Variants in C6orf89 observed in about 807,000 individuals in gnomAD.
The protein encoded by C6orf89 is chromosome 6 open reading frame 89, also known as bombesin receptor-activated protein C6orf89.
In C6orf89, 29 loss-of-function variants were observed where a neutral mutation model predicts 40.7. The observed-to-expected ratio is 0.71, with a 90% CI of 0.53 to 0.97. The LOEUF (loss-of-function observed/expected upper bound fraction) is 0.97, where lower values mean the gene tolerates loss of function less well. C6orf89 is among the 50% of genes least tolerant of loss of function. C6orf89 has a pLI of 0.00. For synonymous variants in C6orf89, 165 were observed against 152.2 expected (o/e 1.08, Z -0.62); for missense variants, 392 against 429.1 (o/e 0.91, Z 0.76).
rs1385475290 is a variant in C6orf89 at position 36,919,707 on chromosome 6, T to A, written c.949+6T>A. ...AATAGAGCCAGGGGATATCGGTATG[T>A]AGGGCCCCAGGAGGGCAGGGTCAAT... On this transcript the variant is annotated splice_donor_region_variant and intron_variant, in intron 8 of 8. Transcript: ENST00000480824. The A allele has an allele frequency of 1.2e-6, 2 of 1,606,596 alleles. No homozygotes were observed. Among genetic ancestry groups the A allele is most frequent in the South Asian group, 2.2e-5 (2 of 90,360 alleles).
chr6:36,902,196 A>G, intron 3 of C6orf89, 25 bp from the exon 4 acceptor site: 2 of 1,599,130 alleles, frequency 1.3e-6, no homozygotes, highest in Non-Finnish European at 1.7e-6. Flanking sequence ...GCTGGGATTA[A>G]TGCCTTTTCT....
At chr6:36,885,343 T>C (rs1017861154), upstream of C6orf89, among the ~76,000 whole-genome samples, 3 of 152,236 alleles carry the variant, frequency 2.0e-5, no homozygotes, top group Non-Finnish European at 2.9e-5. Flanking sequence ...TGCCTCACTT[T>C]GCCTTTTTTA....
At chr6:36,882,158 A>C (rs532668391), upstream of C6orf89, among the ~76,000 whole-genome samples, 2 of 152,184 alleles carry the variant, frequency 1.3e-5, no homozygotes, top group Non-Finnish European at 2.9e-5. Context: ...CTATCAAAAT[A>C]CTGTTTTTTC....
At chr6:36,873,828 A>C (rs1774573842) in intron 1 of C6orf89, among the ~76,000 whole-genome samples, 1 of 152,196 alleles carries the variant, frequency 6.6e-6, no homozygotes, top group Non-Finnish European at 1.5e-5. Flanking sequence ...TGAGGGGAGA[A>C]TGGCAGGTAG....
rs1762579531 is a variant in C6orf89 at position 36,923,390 on chromosome 6, AG to A, written c.997del (p.Val333SerfsTer18). 1 of 1,614,046 alleles carries A rather than the reference AG, an allele frequency of 6.2e-7. No homozygotes were observed. Among genetic ancestry groups the A allele is most frequent in the African/African-American group, 1.3e-5 (1 of 74,954 alleles). On this transcript the variant is annotated frameshift_variant, in exon 9 of 9. Coordinates refer to ENST00000480824, the MANE Select transcript of C6orf89 (RefSeq NM_001286635.2). LOFTEE classifies it high-confidence loss of function. ...ACTGGAAGGTCTACGTTATAGCCAG[AG>A]GGGTCCAGCCTTTGGTCATCTGCGA... ...THWKVYVIAR[G>X]VQPLVICDGT...
chr6:36,875,561 G>A (rs770015231), intron 1 of C6orf89, among the ~76,000 whole-genome samples: 1 of 152,278 alleles, frequency 6.6e-6, no homozygotes, highest in Non-Finnish European at 1.5e-5. Flanking sequence ...AGGGCGCGAG[G>A]AACAGAAGCA....
chr6:36,898,930 T>A (rs1377616941), intron 2 of C6orf89, among the ~76,000 whole-genome samples: 1 of 152,228 alleles, frequency 6.6e-6, no homozygotes, highest in Non-Finnish European at 1.5e-5. Context: ...ACAAAGCTTA[T>A]CAGCCTGTTG....
rs375012759 is a variant in C6orf89, at chr6:36,905,262, T to A, written c.403+2828T>A. On this transcript the variant is annotated intron_variant, in intron 4 of 8. Transcript: ENST00000480824. ...CACTTGCTCAAGGTCCCAGGTCTGG[T>A]CACGGAGCCATGATTTGAACCCAGG... is the stretch of plus-strand genomic sequence containing the variant. Among the ~76,000 whole-genome samples, 4 of 152,280 alleles carry A rather than the reference T, an allele frequency of 2.6e-5. No homozygotes were observed. The East Asian group carries it at 5.8e-4, about 22-fold the overall frequency.
rs749662691 is a variant in C6orf89, at chr6:36,923,504, A to C, written c.*63A>C. On this transcript the variant is annotated 3_prime_UTR_variant, in exon 9 of 9. Transcript: ENST00000480824. ...AAAACCAGGTTGAAAGGGGAAAAAT[A>C]AAAACAAAAACGATGAAACTGCTTT... 3 of 1,305,762 alleles carry C rather than the reference A, an allele frequency of 2.3e-6. No homozygotes were observed. The highest frequency in any genetic ancestry group is 4.7e-5 in the East Asian group (2 of 42,674). The allele number at this position is 1,305,762 out of a possible 1,614,324, so 80.9% of individuals were successfully genotyped here. A position where few individuals can be genotyped will look rare whatever the true frequency, so the allele number is the denominator to read the frequency against.
rs896346545 is a variant in C6orf89 at position 36,902,118 on chromosome 6, GCACA to G, written c.190-102_190-99del. On this transcript the variant is annotated intron_variant, in intron 3 of 8. Coordinates refer to ENST00000480824, the MANE Select transcript of C6orf89 (RefSeq NM_001286635.2). Reference sequence around the variant, plus strand: ...TTATGAAAATGGATTAGTTCTTAAGGCACATTGGAAGTAGCAGAAGAAGCCTGTT... The same window carrying G: ...TTATGAAAATGGATTAGTTCTTAAGGTTGGAAGTAGCAGAAGAAGCCTGTT... 3.3e-6 allele frequency: 3 copies of G among 921,938 alleles called. No individual in the cohort carries two copies. The African/African-American group carries it at 4.9e-5, about 15-fold the overall frequency. 57.1% of individuals were successfully genotyped at this position (921,938 alleles called of 1,614,324 possible). A position where few individuals can be genotyped will look rare whatever the true frequency, so the allele number is the denominator to read the frequency against.
At chr6:36,893,275 TTTAA>T (rs770680408) in intron 1 of C6orf89, among the ~76,000 whole-genome samples, 1 of 152,162 alleles carries the variant, frequency 6.6e-6, no homozygotes. Context: ...TTTGTTCTTG[TTTAA>T]TTACCATCGT....
upstream of C6orf89, chr6:36,885,918 TG>T (rs574912891): frequency 3.7e-4 from 380 of 1,021,086 alleles, no homozygotes; most frequent in Non-Finnish European, 4.3e-4. Flanking sequence ...CGCCCAGGAG[TG>T]GGGGGTTGCT....
chr6:36,874,638 C>A (rs1182466664), intron 1 of C6orf89: 3 of 1,558,938 alleles, frequency 1.9e-6, no homozygotes, highest in Admixed American at 1.7e-5. Flanking sequence ...CCCGGAGGAA[C>A]GCGCCAGGAA....
At chr6:36,879,843 G>A (rs1032111555) in intron 2 of C6orf89, among the ~76,000 whole-genome samples, 1 of 152,120 alleles carries the variant, frequency 6.6e-6, no homozygotes, top group South Asian at 2.1e-4. Flanking sequence ...ACCTTCTAGG[G>A]AACAGGGATT....
intron 3 of C6orf89, 141 bp from the exon 4 acceptor site, chr6:36,902,080 C>T (rs1256653560): frequency 1.5e-6 from 1 of 681,234 alleles, no homozygotes; most frequent in Admixed American, 2.8e-5. Context: ...AGAAGTAAAC[C>T]TAAGTGGCTT....
chr6:36,890,432 C>A (rs1437496522), intron 1 of C6orf89, among the ~76,000 whole-genome samples: 2 of 152,150 alleles, frequency 1.3e-5, no homozygotes, highest in African/African-American at 4.8e-5. Flanking sequence ...TTTCACTTAG[C>A]ATAATGTCCT....
chr6:36,901,968 G>A (rs910982892), intron 3 of C6orf89, among the ~76,000 whole-genome samples: 4 of 152,216 alleles, frequency 2.6e-5, no homozygotes, highest in Non-Finnish European at 5.9e-5. Context: ...ACCATGCCCA[G>A]CCTGTGTATT....
intron 1 of C6orf89, among the ~76,000 whole-genome samples, chr6:36,888,170 TAG>T (rs1271895357): frequency 6.6e-6 from 1 of 152,150 alleles, no homozygotes; most frequent in African/African-American, 2.4e-5. Context: ...AACTGAGGCT[TAG>T]AGAGGATGAG....
intron 1 of C6orf89, chr6:36,872,084 G>A (rs764321429): frequency 5.0e-6 from 2 of 403,152 alleles, no homozygotes; most frequent in Non-Finnish European, 8.5e-6. Context: ...GGTGTTCTGG[G>A]TACTTCTTTT....
Sources: gnomAD v4.1 joint callset for allele counts (sites outside exome capture counted in the v4.1 genomes callset) on GRCh38, gnomAD v4.1.1 for gene constraint, MANE v1.5 for transcripts, NCBI Gene and HGNC (gene_info 2026-07-23, HGNC 2026-07-21) for gene names.